SRGAP2B: variants seen among roughly 807,000 people sequenced by gnomAD.
SRGAP2B encodes SLIT-ROBO Rho GTPase activating protein 2B, also known as SLIT-ROBO Rho GTPase-activating protein 2B.
SRGAP2B carries 9 observed loss-of-function variants against 22.2 expected under a neutral mutation model. That is an observed-to-expected ratio of 0.41 (90% confidence interval 0.24 to 0.71). The LOEUF is 0.71. SRGAP2B is among the 30% of genes least tolerant of loss of function. SRGAP2B has a pLI of 0.35. For synonymous variants in SRGAP2B, 36 were observed against 87.4 expected (o/e 0.41, Z 3.28); for missense variants, 114 against 235.8 (o/e 0.48, Z 3.38).
At chr1:145,089,145 T>C (rs1415834307) in intron 2 of SRGAP2B, among the ~76,000 whole-genome samples, 6 of 150,884 alleles carry the variant, frequency 4.0e-5, no homozygotes, top group Admixed American at 6.6e-5. Context: ...CTGAGGGAAG[T>C]GGGGGTAGTC....
At chr1:144,944,017 G>C (rs1739139) in intron 4 of SRGAP2B, among the ~76,000 whole-genome samples, 1 of 149,792 alleles carries the variant, frequency 6.7e-6, no homozygotes, top group South Asian at 2.1e-4. Context: ...CATGCCTTAA[G>C]TATACAGTAT....
chr1:144,934,488 T>A (rs1665480165), intron 4 of SRGAP2B, among the ~76,000 whole-genome samples: 1 of 148,172 alleles, frequency 6.7e-6, no homozygotes, highest in Non-Finnish European at 1.5e-5. Context: ...TTTCCCCCCA[T>A]TTCAGAATTT....
intron 3 of SRGAP2B, among the ~76,000 whole-genome samples, chr1:144,990,867 G>A (rs1167953481): frequency 1.7e-4 from 26 of 151,534 alleles, no homozygotes; most frequent in Admixed American, 1.7e-3. Context: ...TTTCTCGCTG[G>A]GCCTTAGCTG....
chr1:144,929,433 T>C (rs1304682624), intron 4 of SRGAP2B, among the ~76,000 whole-genome samples: 1 of 150,688 alleles, frequency 6.6e-6, no homozygotes, highest in Non-Finnish European at 1.5e-5. Flanking sequence ...AGTTTTATAG[T>C]TTTGGCTCTT....
rs1310310312 is a variant in SRGAP2B, at chr1:144,956,716, G to A, written c.261-1115C>T. 1.4e-4 allele frequency among the ~76,000 whole-genome samples: 21 copies of A among 150,166 alleles called. 1 individual carries two copies. Among genetic ancestry groups the A allele is most frequent in the African/African-American group, 5.3e-4 (21 of 39,922 alleles). On this transcript the variant is annotated intron_variant, in intron 3 of 9. Coordinates refer to ENST00000612199, the Ensembl canonical transcript of SRGAP2B. Reference sequence around the variant, plus strand: ...ACCCACCTTGGCCTCCCAAAGTGCTGGGATTATAGGAGTGAGCCACCGCGC... The same window carrying A: ...ACCCACCTTGGCCTCCCAAAGTGCTAGGATTATAGGAGTGAGCCACCGCGC...
At chr1:145,016,775 T>C (rs1672443163) in intron 2 of SRGAP2B, among the ~76,000 whole-genome samples, 1 of 146,228 alleles carries the variant, frequency 6.8e-6, no homozygotes. Flanking sequence ...AAGTTATTAG[T>C]AATTTTAAAA....
At chr1:144,925,672 CAGAA>C (rs1664623329) in intron 4 of SRGAP2B, among the ~76,000 whole-genome samples, 1 of 110,872 alleles carries the variant, frequency 9.0e-6, no homozygotes, top group Non-Finnish European at 1.8e-5. Context: ...AAAAAAAGGA[CAGAA>C]AGAAAGAAGT....
At chr1:144,944,695 A>G (rs1666353716) in intron 4 of SRGAP2B, among the ~76,000 whole-genome samples, 3 of 140,428 alleles carry the variant, frequency 2.1e-5, no homozygotes, top group Admixed American at 1.4e-4. Context: ...TTATTTATTT[A>G]TTTATTTATT....
Position 144,905,128 on chromosome 1 carries a change from A to G in SRGAP2B, c.794T>C (p.Phe265Ser), listed in dbSNP as rs1662888374. 5.2e-6 allele frequency: 4 copies of G among 769,946 alleles called. No individual in the cohort carries two copies. The Admixed American group carries it at 7.0e-5, about 13-fold the overall frequency. The allele number at this position is 769,946 out of a possible 1,614,324, so 47.7% of individuals were successfully genotyped here. A position where few individuals can be genotyped will look rare whatever the true frequency, so the allele number is the denominator to read the frequency against. The change falls in exon 7 of 10, where the codon TTC becomes TCC. Residue 265 changes from phenylalanine to serine, a missense_variant. Around this residue, in one of 2 missense-constraint regions of SRGAP2B, gnomAD observed 19 missense variants for 96.8 expected, o/e 0.20. Transcript: ENST00000612199. ...AGATAGGTCATGGATGTAGTACTTG[A>G]AGACAGATGCATTGGTTGCCTCCAA... is the stretch of plus-strand genomic sequence containing the variant.
At chr1:144,916,150 C>T (rs1663880182) in intron 4 of SRGAP2B, among the ~76,000 whole-genome samples, 1 of 149,498 alleles carries the variant, frequency 6.7e-6, no homozygotes, top group Admixed American at 6.6e-5. Flanking sequence ...AAAAAGAAAA[C>T]AAAAGTAACT....
In SRGAP2B at chr1:145,009,404, C is replaced by T. The variant is rs1233805837; in HGVS notation, c.68-14204G>A. Among the ~76,000 whole-genome samples, 5 of 148,120 alleles carry T rather than the reference C, an allele frequency of 3.4e-5. 1 individual carries two copies. Among genetic ancestry groups the T allele is most frequent in the African/African-American group, 7.7e-5 (3 of 39,018 alleles). Reference sequence around the variant, plus strand: ...GAGATCGAGACCATCCCGGCTAAAACGGTGAAACCCCGTCTCTACTAAAAA... The same window carrying T: ...GAGATCGAGACCATCCCGGCTAAAATGGTGAAACCCCGTCTCTACTAAAAA... On this transcript the variant is annotated intron_variant, in intron 2 of 9. Coordinates refer to ENST00000612199, the Ensembl canonical transcript of SRGAP2B.
At chr1:144,918,342 A>G (rs1553604032) in intron 4 of SRGAP2B, 4 of 149,222 alleles carry the variant, frequency 2.7e-5, no homozygotes, top group African/African-American at 7.7e-5. Flanking sequence ...GTTCTATCGG[A>G]TGGGAAGTGT....
In SRGAP2B at chr1:145,041,061, C is replaced by A. The variant is rs1159047321; in HGVS notation, c.68-45861G>T. Among the ~76,000 whole-genome samples, 309 of 101,674 alleles carry A rather than the reference C, an allele frequency of 3.0e-3. 1 individual carries two copies. The highest frequency in any genetic ancestry group is 0.014 in the African/African-American group (294 of 21,606). The allele number at this position is 101,674 out of a possible 152,430, so 66.7% of individuals were successfully genotyped here. A position where few individuals can be genotyped will look rare whatever the true frequency, so the allele number is the denominator to read the frequency against. On this transcript the variant is annotated intron_variant, in intron 2 of 9. Coordinates refer to ENST00000612199, the Ensembl canonical transcript of SRGAP2B. ...CCATCTGAAAAAATATCATTTGTTG[C>A]ATGTATATATATAGTATATATATAT... is the stretch of plus-strand genomic sequence containing the variant.
intron 4 of SRGAP2B, among the ~76,000 whole-genome samples, chr1:144,941,804 T>C (rs479610): frequency 2.0e-5 from 3 of 148,998 alleles, no homozygotes; most frequent in Admixed American, 6.6e-5. Context: ...GTCAAAGGTG[T>C]TACTCTCTCT....
At chr1:145,061,729 G>A (rs1255473729) in intron 2 of SRGAP2B, among the ~76,000 whole-genome samples, 1 of 147,938 alleles carries the variant, frequency 6.8e-6, no homozygotes, top group Non-Finnish European at 1.5e-5. Context: ...CTGGGATTAC[G>A]GGCACCTGCC....
At chr1:144,943,472 T>C (rs1447392946) in intron 4 of SRGAP2B, among the ~76,000 whole-genome samples, 9 of 151,580 alleles carry the variant, frequency 5.9e-5, no homozygotes. Flanking sequence ...AAATTTTCTA[T>C]AACATACATC....
intron 3 of SRGAP2B, among the ~76,000 whole-genome samples, chr1:144,992,207 G>T (rs6600692): frequency 6.7e-6 from 1 of 150,364 alleles, no homozygotes; most frequent in African/African-American, 2.5e-5. Flanking sequence ...AAGAAACTCC[G>T]AACACATCTG....
Position 145,006,750 on chromosome 1 carries a change from A to G in SRGAP2B, c.68-11550T>C, listed in dbSNP as rs1553621155. ...AAAGTTATAGGCAGACACATCTTAT[A>G]TATTTACTAGTAATCACATATCCCA... On this transcript the variant is annotated intron_variant, in intron 2 of 9. Coordinates refer to ENST00000612199, the Ensembl canonical transcript of SRGAP2B. Among the ~76,000 whole-genome samples the G allele has an allele frequency of 2.7e-5, 4 of 150,892 alleles. 1 individual carries two copies. Among genetic ancestry groups the G allele is most frequent in the Non-Finnish European group, 4.4e-5 (3 of 67,974 alleles).
chr1:145,011,506 A>G (rs1242917738), intron 2 of SRGAP2B, among the ~76,000 whole-genome samples: 1 of 150,738 alleles, frequency 6.6e-6, no homozygotes, highest in Non-Finnish European at 1.5e-5. Context: ...AGAACTTAAC[A>G]TGCCTGAACC....
Sources: allele counts gnomAD v4.1 joint callset (sites outside exome capture counted in the v4.1 genomes callset), GRCh38; gene constraint gnomAD v4.1.1; regional missense constraint gnomAD v4.1.1; transcripts MANE v1.5; gene names NCBI Gene and HGNC (gene_info 2026-07-23, HGNC 2026-07-21).